CC2D2B: variants seen among roughly 807,000 people sequenced by gnomAD.
CC2D2B encodes protein CC2D2B.
In CC2D2B, 128 loss-of-function variants were observed where a neutral mutation model predicts 161.2. That is an observed-to-expected ratio of 0.79 (90% CI 0.69 to 0.92). The LOEUF is 0.92. CC2D2B is among the 40% of genes least tolerant of loss of function. CC2D2B has a pLI of 0.00. For missense variants in CC2D2B, 1,173 were observed against 1,375.1 expected (o/e 0.85, Z 2.32); for synonymous variants, 391 against 449.8 (o/e 0.87, Z 1.65).
At chr10:95,926,603 A>G (rs2098538930) in intron 5 of CC2D2B, among the ~76,000 whole-genome samples, 1 of 151,660 alleles carries the variant, frequency 6.6e-6, no homozygotes, top group African/African-American at 2.4e-5. Flanking sequence ...TATGAGTTTT[A>G]CTTATTATAG....
chr10:96,029,653 AC>A (rs1270454509), intron 34 of CC2D2B, among the ~76,000 whole-genome samples: 1 of 152,052 alleles, frequency 6.6e-6, no homozygotes, highest in Non-Finnish European at 1.5e-5. Flanking sequence ...CAGGACCCCC[AC>A]AAATACCACA....
At chr10:95,993,881 A>G (rs1278737126) in intron 22 of CC2D2B, among the ~76,000 whole-genome samples, 3 of 89,692 alleles carry the variant, frequency 3.3e-5, no homozygotes, top group African/African-American at 1.3e-4. Context: ...GTGTATATAT[A>G]TATATATAGA....
intron 11 of CC2D2B, among the ~76,000 whole-genome samples, chr10:95,957,947 A>G (rs538575238): frequency 6.6e-6 from 1 of 152,008 alleles, no homozygotes. Context: ...TTACCACATT[A>G]TTAGATTCAA....
At chr10:95,930,374 G>T (rs2098547828) in intron 6 of CC2D2B, among the ~76,000 whole-genome samples, 1 of 152,152 alleles carries the variant, frequency 6.6e-6, no homozygotes, top group Non-Finnish European at 1.5e-5. Context: ...CTTCCTATTT[G>T]AATACCCTTT....
rs139332917 is a variant in CC2D2B at position 95,942,431 on chromosome 10, C to G, written c.801+3506C>G. On this transcript the variant is annotated intron_variant, in intron 9 of 34. Coordinates refer to ENST00000646931, the MANE Select transcript of CC2D2B (RefSeq NM_001349008.3). ...TTTTAGTTTGCATATATTCTATTGA[C>G]CTGTCTTAACCATTCACTTATATAA... is the stretch of plus-strand genomic sequence containing the variant. Among the ~76,000 whole-genome samples, 760 of 152,098 alleles carry G rather than the reference C, an allele frequency of 5.0e-3. 7 individuals are homozygous for G. Among genetic ancestry groups the G allele is most frequent in the African/African-American group, 0.017 (716 of 41,504 alleles).
At chr10:95,980,438 G>T (rs2077472291) in intron 17 of CC2D2B, among the ~76,000 whole-genome samples, 1 of 151,972 alleles carries the variant, frequency 6.6e-6, no homozygotes, top group South Asian at 2.1e-4. Context: ...TGTTGTTGTT[G>T]TTAAAGGATA....
At chr10:95,981,419 A>T (rs1389388760) in intron 17 of CC2D2B, among the ~76,000 whole-genome samples, 2 of 149,940 alleles carry the variant, frequency 1.3e-5, no homozygotes, top group Admixed American at 1.3e-4. Flanking sequence ...AAAAAAAAAA[A>T]AAGATTATCT....
intron 11 of CC2D2B, among the ~76,000 whole-genome samples, chr10:95,957,881 TAAC>T (rs2076625531): frequency 7.0e-6 from 1 of 142,198 alleles, no homozygotes; most frequent in Non-Finnish European, 1.5e-5. Flanking sequence ...AAAAAAAAAA[TAAC>T]AATAACAAAA....
chr10:95,940,466 C>T (rs1357294916), intron 9 of CC2D2B, among the ~76,000 whole-genome samples: 2 of 152,150 alleles, frequency 1.3e-5, no homozygotes, highest in African/African-American at 4.8e-5. Context: ...AGAAAGTGTG[C>T]TTACTCCAGG....
At chr10:95,976,051 A>G (rs925649309) in intron 17 of CC2D2B, among the ~76,000 whole-genome samples, 5 of 152,112 alleles carry the variant, frequency 3.3e-5, no homozygotes, top group African/African-American at 1.2e-4. Flanking sequence ...TTACAATTCT[A>G]CAGACGCATT....
rs984906615 is a variant in CC2D2B, at chr10:95,938,007, G to A, written c.353G>A (p.Ser118Asn). Residue 118 changes from serine to asparagine, a missense_variant, in exon 7 of 35, where the codon AGT (serine) becomes AAT (asparagine). Physicochemically the swap from Ser to Asn is conservative, Grantham distance 46 (BLOSUM62 1). Coordinates refer to ENST00000646931, the MANE Select transcript of CC2D2B (RefSeq NM_001349008.3). ...ATTCAACAGAGACCAGTAAACCGTA[G>A]TTATCCCAAATGCTTTTCACTTGGT... The part of the protein sequence containing the change: ...KSSEQRPVNR[S>N]YPKCFSLGVN... The A allele has an allele frequency of 6.5e-7, 1 of 1,548,324 alleles. No homozygotes were observed. The highest frequency in any genetic ancestry group is 1.4e-5 in the African/African-American group (1 of 73,034).
At chr10:95,912,695 C>T (rs2098508563) in intron 2 of CC2D2B, among the ~76,000 whole-genome samples, 1 of 152,118 alleles carries the variant, frequency 6.6e-6, no homozygotes, top group Non-Finnish European at 1.5e-5. Context: ...TCATATATGT[C>T]TGATCTCACT....
rs1341357943 is a variant in CC2D2B at position 95,916,593 on chromosome 10, T to C, written c.36+5234T>C. Among the ~76,000 whole-genome samples, 5 of 152,266 alleles carry C rather than the reference T, an allele frequency of 3.3e-5. No homozygotes were observed. In the East Asian group the frequency reaches 9.6e-4, roughly 29 times the overall value. On this transcript the variant is annotated intron_variant, in intron 2 of 34. Transcript: ENST00000646931. ...GCTGTATCCCATAGGTTTTGGTATGTTGTGTTTCAATTTTCATTTGTTTCA... is the reference window on the plus strand; with the variant it reads ...GCTGTATCCCATAGGTTTTGGTATGCTGTGTTTCAATTTTCATTTGTTTCA...
At chr10:96,011,083 T>C (rs1398753716) in intron 26 of CC2D2B, among the ~76,000 whole-genome samples, 1 of 152,246 alleles carries the variant, frequency 6.6e-6, no homozygotes, top group Non-Finnish European at 1.5e-5. Flanking sequence ...ATTCTGTTCC[T>C]ACTACCTGGC....
intron 33 of CC2D2B, among the ~76,000 whole-genome samples, chr10:96,026,414 C>T (rs2079778195): frequency 6.6e-6 from 1 of 152,160 alleles, no homozygotes; most frequent in Admixed American, 6.5e-5. Flanking sequence ...ACCAAACTTA[C>T]CTGTTCAATG....
Position 95,942,901 on chromosome 10 carries a change from G to C in CC2D2B, c.801+3976G>C, listed in dbSNP as rs78568417. 1.4e-3 allele frequency among the ~76,000 whole-genome samples: 213 copies of C among 152,114 alleles called. 4 individuals are homozygous for C. The East Asian group carries it at 0.034, about 24-fold the overall frequency. ...TCCTAAACTTTTATAAAAAGGCTCA[G>C]TTCAAATAACTTTTCTATTTTCACA... On this transcript the variant is annotated intron_variant, in intron 9 of 34. Coordinates refer to ENST00000646931, the MANE Select transcript of CC2D2B (RefSeq NM_001349008.3).
chr10:95,924,738 T>C (rs1030420650), intron 4 of CC2D2B, 41 bp from the exon 5 acceptor site: 25 of 1,292,212 alleles, frequency 1.9e-5, no homozygotes, highest in African/African-American at 4.5e-5. Context: ...TGAGCACAAT[T>C]ATGTCTATTT....
intron 1 of CC2D2B, among the ~76,000 whole-genome samples, chr10:95,910,458 G>A (rs2098504259): frequency 6.6e-6 from 1 of 152,140 alleles, no homozygotes; most frequent in African/African-American, 2.4e-5. Flanking sequence ...GGAAATAAAG[G>A]AAGGAGGGGG....
intron 12 of CC2D2B, among the ~76,000 whole-genome samples, chr10:95,965,684 G>A (rs1010950580): frequency 7.9e-5 from 12 of 151,946 alleles, no homozygotes; most frequent in Non-Finnish European, 1.3e-4. Flanking sequence ...ACTGAGTAGG[G>A]AGAAATATCT....
Sources: gnomAD v4.1 joint callset for allele counts (sites outside exome capture counted in the v4.1 genomes callset) on GRCh38, gnomAD v4.1.1 for gene constraint, MANE v1.5 for transcripts, NCBI Gene and HGNC (gene_info 2026-07-23, HGNC 2026-07-21) for gene names.